WWOX: variants seen among roughly 807,000 people sequenced by gnomAD.
The protein encoded by WWOX is WW domain-containing oxidoreductase.
In WWOX, 69 loss-of-function variants were observed where a neutral mutation model predicts 46.2. That is an observed-to-expected ratio of 1.49 (90% CI 1.23 to 1.82). The LOEUF (loss-of-function observed/expected upper bound fraction) is 1.82. WWOX is among the 40% of genes most tolerant of loss of function. The probability of loss-of-function intolerance (pLI) is 0.00; values close to 1 mark genes in which losing one functional copy is unlikely to be tolerated. For missense variants in WWOX, 919 were observed against 542.6 expected (o/e 1.69, Z -6.89); for synonymous variants, 359 against 202.6 (o/e 1.77, Z -6.56).
intron 8 of WWOX, among the ~76,000 whole-genome samples, chr16:78,444,765 C>T (rs1023521862): frequency 1.3e-5 from 2 of 152,034 alleles, no homozygotes; most frequent in Non-Finnish European, 2.9e-5. Context: ...CTCCTGACCT[C>T]ATGATCCACC....
At chr16:78,675,154 A>T (rs2047561959) in intron 8 of WWOX, among the ~76,000 whole-genome samples, 1 of 152,128 alleles carries the variant, frequency 6.6e-6, no homozygotes, top group Non-Finnish European at 1.5e-5. Context: ...CGTTCATCAA[A>T]ATGGGTAGGA....
intron 8 of WWOX, among the ~76,000 whole-genome samples, chr16:78,795,618 A>C (rs2050716807): frequency 6.6e-6 from 1 of 152,190 alleles, no homozygotes; most frequent in East Asian, 1.9e-4. Context: ...CGCCTCACTA[A>C]TGGAACACTC....
intron 8 of WWOX, among the ~76,000 whole-genome samples, chr16:78,745,021 T>A (rs2049315421): frequency 6.6e-6 from 1 of 152,148 alleles, no homozygotes; most frequent in Admixed American, 6.5e-5. Flanking sequence ...CACATACCAT[T>A]TATTCAGTGT....
intron 8 of WWOX, among the ~76,000 whole-genome samples, chr16:78,527,385 C>T (rs1165759702): frequency 6.6e-6 from 1 of 151,708 alleles, no homozygotes; most frequent in African/African-American, 2.4e-5. Context: ...CCTCTGCCTC[C>T]TGTAATCAAG....
At chr16:78,748,458 A>G (rs1050178256) in intron 8 of WWOX, among the ~76,000 whole-genome samples, 4 of 152,206 alleles carry the variant, frequency 2.6e-5, no homozygotes, top group Admixed American at 1.3e-4. Flanking sequence ...TAGAAGCTTA[A>G]TCCAGGCATG....
intron 8 of WWOX, among the ~76,000 whole-genome samples, chr16:79,141,777 T>G (rs112858102): frequency 0.015 from 1,831 of 125,152 alleles, 39 homozygotes; most frequent in South Asian, 0.024. Context: ...TGACTCTCCA[T>G]TGCTTCTTGG....
At chr16:78,250,247 G>A (rs2037948253) in intron 5 of WWOX, among the ~76,000 whole-genome samples, 1 of 152,226 alleles carries the variant, frequency 6.6e-6, no homozygotes, top group South Asian at 2.1e-4. Flanking sequence ...ATTAGCGAGA[G>A]CTCCGGAAAT....
chr16:78,202,354 G>T (rs1268499337), intron 5 of WWOX, among the ~76,000 whole-genome samples: 1 of 152,210 alleles, frequency 6.6e-6, no homozygotes, highest in South Asian at 2.1e-4. Context: ...TCATCCTTCT[G>T]TTCCCTTCCT....
intron 8 of WWOX, among the ~76,000 whole-genome samples, chr16:78,998,384 C>T (rs1442999469): frequency 2.0e-5 from 3 of 152,134 alleles, no homozygotes; most frequent in African/African-American, 4.8e-5. Flanking sequence ...GGGCCCAGAG[C>T]AGAGCCTACT....
chr16:78,768,253 A>G (rs1410216886), intron 8 of WWOX, among the ~76,000 whole-genome samples: 1 of 149,950 alleles, frequency 6.7e-6, no homozygotes, highest in East Asian at 1.9e-4. Context: ...TGAAATCTCA[A>G]GCAAGCCAAA....
intron 8 of WWOX, among the ~76,000 whole-genome samples, chr16:78,835,956 T>C (rs980190020): frequency 6.6e-6 from 1 of 152,184 alleles, no homozygotes; most frequent in Non-Finnish European, 1.5e-5. Flanking sequence ...TATAAAATTA[T>C]GTTACTACCT....
intron 8 of WWOX, among the ~76,000 whole-genome samples, chr16:79,054,363 A>G: frequency 6.6e-6 from 1 of 152,184 alleles, no homozygotes; most frequent in Non-Finnish European, 1.5e-5. Context: ...AGGAATTTCA[A>G]GCTTTTGTAC....
chr16:79,119,960 G>C (rs1018130808), intron 8 of WWOX, among the ~76,000 whole-genome samples: 6 of 152,174 alleles, frequency 3.9e-5, no homozygotes, highest in Non-Finnish European at 5.9e-5. Flanking sequence ...CCGTGGAATG[G>C]ACAAGACTCC....
intron 8 of WWOX, among the ~76,000 whole-genome samples, chr16:78,866,413 G>C (rs566787364): frequency 6.6e-6 from 1 of 150,984 alleles, no homozygotes; most frequent in East Asian, 1.9e-4. Flanking sequence ...AGAAATCATT[G>C]AGACTGATCA....
At chr16:78,462,894 C>G (rs1385894386) in intron 8 of WWOX, among the ~76,000 whole-genome samples, 1 of 152,194 alleles carries the variant, frequency 6.6e-6, no homozygotes, top group Non-Finnish European at 1.5e-5. Flanking sequence ...CTTACTGTTT[C>G]CCTTGGGCAC....
At chr16:79,061,188 C>T (rs867079101) in intron 8 of WWOX, among the ~76,000 whole-genome samples, 3 of 152,104 alleles carry the variant, frequency 2.0e-5, no homozygotes, top group Non-Finnish European at 2.9e-5. Flanking sequence ...TGTGCCAACC[C>T]GAAAGCCTGA....
At chr16:79,151,490 C>T (rs1030315452) in intron 8 of WWOX, among the ~76,000 whole-genome samples, 2 of 152,192 alleles carry the variant, frequency 1.3e-5, no homozygotes, top group Non-Finnish European at 2.9e-5. Context: ...AGGACAGTAA[C>T]CAATACCGCT....
intron 8 of WWOX, among the ~76,000 whole-genome samples, chr16:78,932,349 C>T (rs181417200): frequency 5.3e-5 from 8 of 152,304 alleles, no homozygotes; most frequent in Non-Finnish European, 8.8e-5. Context: ...ATTCCAGGTG[C>T]CCCTCAGGCC....
intron 5 of WWOX, among the ~76,000 whole-genome samples, chr16:78,193,696 A>G (rs976986665): frequency 1.3e-5 from 2 of 152,174 alleles, no homozygotes; most frequent in Non-Finnish European, 2.9e-5. Flanking sequence ...GTATGTGAGT[A>G]TAGATGCTTA....
Sources: allele counts gnomAD v4.1 joint callset (sites outside exome capture counted in the v4.1 genomes callset), GRCh38; gene constraint gnomAD v4.1.1; transcripts MANE v1.5; gene names NCBI Gene and HGNC (gene_info 2026-07-23, HGNC 2026-07-21).